The following KCNQ3 variants were observed in gnomAD, a reference collection of about 807,000 sequenced individuals.
The protein encoded by KCNQ3 is potassium voltage-gated channel subfamily Q member 3.
A neutral mutation model predicts 92.5 loss-of-function variants in KCNQ3; 30 were observed. That is an observed-to-expected ratio of 0.32 (90% CI 0.24 to 0.44). The LOEUF (loss-of-function observed/expected upper bound fraction) is 0.44, where lower values mean the gene tolerates loss of function less well. KCNQ3 is among the 20% of genes least tolerant of loss of function. The pLI, the probability that KCNQ3 is intolerant of heterozygous loss-of-function variation, is 1.00. For synonymous variants in KCNQ3, 450 were observed against 468.8 expected, an observed-to-expected ratio of 0.96 and a Z score of 0.52; for missense variants, 913 against 1,140.3, an observed-to-expected ratio of 0.80 and a Z score of 2.87.
chr8:132,281,458 A>T lies in KCNQ3; in HGVS notation c.387-95277T>A, dbSNP rs1464085546. On this transcript the variant is annotated intron_variant, in intron 1 of 14. Coordinates refer to ENST00000388996, the MANE Select transcript of KCNQ3 (RefSeq NM_004519.4). ...ATATATACTTGGAATATATATACACATACACATGGAGTATGTATATATGGA... is the reference window on the plus strand; with the variant it reads ...ATATATACTTGGAATATATATACACTTACACATGGAGTATGTATATATGGA... 3.9e-5 allele frequency among the ~76,000 whole-genome samples: 6 copies of T among 152,256 alleles called. No homozygotes were observed. The East Asian group carries it at 1.2e-3, about 29-fold the overall frequency.
intron 1 of KCNQ3, among the ~76,000 whole-genome samples, chr8:132,278,955 T>A (rs1243983589): frequency 6.6e-6 from 1 of 152,032 alleles, no homozygotes; most frequent in African/African-American, 2.4e-5. Flanking sequence ...GTGACTCACG[T>A]CTGTAATCCC....
At chr8:132,190,495 C>G (rs1341593161) in intron 1 of KCNQ3, among the ~76,000 whole-genome samples, 2 of 152,136 alleles carry the variant, frequency 1.3e-5, no homozygotes, top group Non-Finnish European at 2.9e-5. Flanking sequence ...TTTGAAAGGC[C>G]TGTGAGAGCT....
chr8:132,376,913 A>G (rs980342523), intron 1 of KCNQ3, among the ~76,000 whole-genome samples: 2 of 152,198 alleles, frequency 1.3e-5, no homozygotes, highest in Non-Finnish European at 2.9e-5. Context: ...ACTCCAAATA[A>G]TTGGAAGGAG....
chr8:132,188,358 T>C (rs1827063933), intron 1 of KCNQ3, among the ~76,000 whole-genome samples: 1 of 152,236 alleles, frequency 6.6e-6, no homozygotes, highest in Non-Finnish European at 1.5e-5. Flanking sequence ...TTAATCACTC[T>C]CAGAAGATTC....
chr8:132,472,044 T>A (rs766067428), intron 1 of KCNQ3, among the ~76,000 whole-genome samples: 4 of 152,036 alleles, frequency 2.6e-5, no homozygotes, highest in Non-Finnish European at 5.9e-5. Flanking sequence ...AAAATGGAAA[T>A]CAAAACCACA....
chr8:132,137,855 G>C (rs905357210), intron 12 of KCNQ3, 30 bp downstream of exon 12: 1 of 1,613,040 alleles, frequency 6.2e-7, no homozygotes, highest in Non-Finnish European at 8.5e-7. Context: ...TTTGAGGGGA[G>C]CGCAGTCCCT....
intron 8 of KCNQ3, 121 bp from the exon 9 acceptor site, chr8:132,163,615 C>T (rs1421966724): frequency 2.3e-6 from 2 of 872,250 alleles, no homozygotes; most frequent in East Asian, 5.2e-5. Flanking sequence ...AGCTCTAGGA[C>T]AGGATGGTCA....
chr8:132,261,880 CAA>C (rs1466049195), intron 1 of KCNQ3, among the ~76,000 whole-genome samples: 4 of 152,100 alleles, frequency 2.6e-5, no homozygotes, highest in Non-Finnish European at 4.4e-5. Context: ...ACTTTGGGCA[CAA>C]AGTTTAAGAG....
chr8:132,166,268 G>A (rs942626897), intron 8 of KCNQ3, among the ~76,000 whole-genome samples: 4 of 152,068 alleles, frequency 2.6e-5, no homozygotes, highest in Non-Finnish European at 4.4e-5. Flanking sequence ...CATATTGAAC[G>A]GTGCAGCTAT....
At chr8:132,439,629 G>C (rs1463414260) in intron 1 of KCNQ3, among the ~76,000 whole-genome samples, 2 of 152,052 alleles carry the variant, frequency 1.3e-5, no homozygotes, top group South Asian at 2.1e-4. Context: ...CAGCAGAGGA[G>C]GGGGCAGAGA....
chr8:132,253,787 A>G (rs1281207869), intron 1 of KCNQ3, among the ~76,000 whole-genome samples: 2 of 152,218 alleles, frequency 1.3e-5, no homozygotes, highest in East Asian at 1.9e-4. Flanking sequence ...GAACCCAACC[A>G]TGATCGATTT....
At chr8:132,192,404 G>A (rs1215324435) in intron 1 of KCNQ3, among the ~76,000 whole-genome samples, 1 of 152,144 alleles carries the variant, frequency 6.6e-6, no homozygotes. Flanking sequence ...AATTTCAGAC[G>A]GAGACCACGT....
chr8:132,294,572 C>G (rs1229863046), intron 1 of KCNQ3, among the ~76,000 whole-genome samples: 1 of 152,114 alleles, frequency 6.6e-6, no homozygotes, highest in South Asian at 2.1e-4. Flanking sequence ...ACTTTCTTTA[C>G]CCAGGGACAC....
At chr8:132,474,657 AT>A (rs1181030678) in intron 1 of KCNQ3, among the ~76,000 whole-genome samples, 4 of 152,182 alleles carry the variant, frequency 2.6e-5, no homozygotes, top group African/African-American at 9.6e-5. Context: ...ACATGCATCC[AT>A]TCAGCAAATG....
intron 6 of KCNQ3, 59 bp downstream of exon 6, chr8:132,174,180 C>G (rs1826472109): frequency 8.2e-7 from 1 of 1,217,876 alleles, no homozygotes; most frequent in East Asian, 2.5e-5. Context: ...TGAGCTGGCA[C>G]CAGGCGGTAA....
intron 3 of KCNQ3, among the ~76,000 whole-genome samples, chr8:132,183,838 C>CA (rs1280708798): frequency 6.6e-6 from 1 of 152,204 alleles, no homozygotes; most frequent in African/African-American, 2.4e-5. Context: ...TCTCAGCCAG[C>CA]AACGGTGTCA....
At chr8:132,354,543 C>T (rs1818963056) in intron 1 of KCNQ3, among the ~76,000 whole-genome samples, 1 of 152,138 alleles carries the variant, frequency 6.6e-6, no homozygotes, top group Non-Finnish European at 1.5e-5. Flanking sequence ...CCACTAAGAC[C>T]AGGCAGGTCG....
At position 132,278,305 on chromosome 8, in the gene KCNQ3, GA is replaced by G. The variant is rs934665647; in HGVS notation, c.387-92125del. 96 of 554,854 alleles carry G rather than the reference GA, an allele frequency of 1.7e-4. 1 individual carries two copies. Among genetic ancestry groups the G allele is most frequent in the South Asian group, 7.2e-4 (9 of 12,584 alleles). 34.4% of individuals were successfully genotyped at this position (554,854 alleles called of 1,614,324 possible). ...TAGACTGTGCTTCCTATGGCCAAAG[GA>G]AAAAAAAAGAAGAAAAATGAAAAGA... On this transcript the variant is annotated intron_variant, in intron 1 of 14. Transcript: ENST00000388996.
intron 5 of KCNQ3, 77 bp downstream of exon 5, chr8:132,175,376 C>A: frequency 6.6e-7 from 1 of 1,510,608 alleles, no homozygotes; most frequent in Non-Finnish European, 9.2e-7. Flanking sequence ...GCTGAACATG[C>A]TCATGTGATG....
Sources: gnomAD v4.1 joint callset for allele counts (sites outside exome capture counted in the v4.1 genomes callset) on GRCh38, gnomAD v4.1.1 for gene constraint, MANE v1.5 for transcripts, NCBI Gene and HGNC (gene_info 2026-07-23, HGNC 2026-07-21) for gene names.